RNLS: variants seen among roughly 807,000 people sequenced by gnomAD.
The protein encoded by RNLS is renalase, FAD dependent amine oxidase.
RNLS carries 39 observed loss-of-function variants against 39.8 expected under a neutral mutation model. The observed-to-expected ratio is 0.98, with a 90% CI of 0.76 to 1.28. The LOEUF is 1.28. Ranked by LOEUF, RNLS falls within the 50% of genes most tolerant of loss-of-function variation. RNLS has a pLI of 0.00. For missense variants in RNLS, 410 were observed against 413.3 expected (o/e 0.99, Z 0.07); for synonymous variants, 147 against 150.7 (o/e 0.98, Z 0.18).
At chr10:88,314,666 A>G in intron 5 of RNLS, 25 bp from the exon 6 acceptor site, 1 of 1,602,282 alleles carries the variant, frequency 6.2e-7, no homozygotes, top group Non-Finnish European at 8.5e-7. Flanking sequence ...GATCATAAAG[A>G]TGCATCTTAA....
rs954471747 is a variant in RNLS at position 88,449,004 on chromosome 10, T to C, written c.527-86279A>G. ...TCACACACCGGGGCCTGTTGTGCAG[T>C]GCGGGGAGGGAGAAGGGATAGGATT... is the stretch of plus-strand genomic sequence containing the variant. On this transcript the variant is annotated intron_variant, in intron 4 of 6. Transcript: ENST00000331772. Among the ~76,000 whole-genome samples, 6 of 152,136 alleles carry C rather than the reference T, an allele frequency of 3.9e-5. 1 individual carries two copies. Among genetic ancestry groups the C allele is most frequent in the African/African-American group, 7.2e-5 (3 of 41,504 alleles).
intron 4 of RNLS, among the ~76,000 whole-genome samples, chr10:88,408,610 C>T (rs792209): frequency 0.58 from 88,743 of 151,834 alleles, 25,988 homozygotes; most frequent in African/African-American, 0.63. Context: ...TCTAAGGTAT[C>T]TTGTTACAGA....
At position 88,448,134 on chromosome 10, in the gene RNLS, C is replaced by T. The variant is rs375266110; in HGVS notation, c.527-85409G>A. On this transcript the variant is annotated intron_variant, in intron 4 of 6. Transcript: ENST00000331772. ...ATGTTTAAAACACCAAAAGCAATGG[C>T]AACAAAAGCCAAAATTGACAAATGG... 5.9e-5 allele frequency among the ~76,000 whole-genome samples: 9 copies of T among 152,244 alleles called. No individual in the cohort carries two copies. In the East Asian group the frequency reaches 9.6e-4, roughly 16 times the overall value.
chr10:88,210,072 G>A, the RNLS span, among the ~76,000 whole-genome samples: 1 of 152,204 alleles, frequency 6.6e-6, no homozygotes, highest in Non-Finnish European at 1.5e-5. Context: ...GCCCTGAGGC[G>A]ACGGATTTGC....
intron 4 of RNLS, among the ~76,000 whole-genome samples, chr10:88,421,549 G>A (rs983377805): frequency 6.6e-6 from 1 of 152,030 alleles, no homozygotes; most frequent in Non-Finnish European, 1.5e-5. Context: ...TACAAGTCTG[G>A]ACTTGTGAAG....
chr10:88,340,106 C>T (rs1335434390), intron 5 of RNLS, among the ~76,000 whole-genome samples: 1 of 152,214 alleles, frequency 6.6e-6, no homozygotes, highest in Non-Finnish European at 1.5e-5. Context: ...TGCAATAATT[C>T]AGACCTTTAC....
At chr10:88,235,281 A>G in the RNLS span, among the ~76,000 whole-genome samples, 9 of 151,060 alleles carry the variant, frequency 6.0e-5, no homozygotes, top group African/African-American at 2.2e-4. Context: ...AAAAAAAAAA[A>G]AAAAAAAAAA....
chr10:88,183,572 G>A, the RNLS span, among the ~76,000 whole-genome samples: 2 of 151,976 alleles, frequency 1.3e-5, no homozygotes, highest in African/African-American at 4.8e-5. Context: ...ATGTTTTACA[G>A]AAAAAAATCC....
At chr10:88,433,275 A>T (rs1275456521) in intron 4 of RNLS, among the ~76,000 whole-genome samples, 2 of 152,028 alleles carry the variant, frequency 1.3e-5, no homozygotes, top group Non-Finnish European at 2.9e-5. Flanking sequence ...CTGAAAGATG[A>T]AAAATTCCAG....
At chr10:88,273,623 A>ATATGTTTAT (rs1842710923), downstream of RNLS, among the ~76,000 whole-genome samples, 1 of 152,206 alleles carries the variant, frequency 6.6e-6, no homozygotes, top group South Asian at 2.1e-4. Context: ...CACTATCATA[A>ATATGTTTAT]CTAATGCTTA....
intron 2 of RNLS, 78 bp downstream of exon 2, chr10:88,582,124 A>G (rs1349731380): frequency 3.6e-6 from 4 of 1,121,876 alleles, no homozygotes; most frequent in Non-Finnish European, 5.2e-6. Context: ...TCCATTTATC[A>G]GCTAATCTAA....
chr10:88,240,406 C>CTTTTTTT, the RNLS span, among the ~76,000 whole-genome samples: 3 of 108,666 alleles, frequency 2.8e-5, no homozygotes, highest in East Asian at 4.5e-4. Context: ...GCAAAAAGTC[C>CTTTTTTT]TTTTTTTAAA....
At chr10:88,367,487 T>C (rs1478687947) in intron 4 of RNLS, among the ~76,000 whole-genome samples, 1 of 152,178 alleles carries the variant, frequency 6.6e-6, no homozygotes, top group Non-Finnish European at 1.5e-5. Context: ...AACATAGGGA[T>C]TGTTTGTAGA....
chr10:88,439,397 A>C (rs1233551410), intron 4 of RNLS, among the ~76,000 whole-genome samples: 2 of 152,224 alleles, frequency 1.3e-5, no homozygotes, highest in East Asian at 3.8e-4. Context: ...TGTTTTCCTC[A>C]GAGCAATTTT....
chr10:88,341,329 CAAA>C (rs755002114), intron 5 of RNLS, among the ~76,000 whole-genome samples: 2 of 50,698 alleles, frequency 3.9e-5, no homozygotes, highest in African/African-American at 7.7e-5. Flanking sequence ...AACTCCATCT[CAAA>C]AAAAAAAAAA....
At chr10:88,206,179 A>G in the RNLS span, among the ~76,000 whole-genome samples, 107,330 of 152,118 alleles carry the variant, frequency 0.71, 38,449 homozygotes, top group Non-Finnish European at 0.78. Flanking sequence ...GTGGACTGCA[A>G]CATTCTGAAG....
At chr10:88,491,800 C>T (rs1228387305) in intron 4 of RNLS, among the ~76,000 whole-genome samples, 3 of 152,156 alleles carry the variant, frequency 2.0e-5, no homozygotes, top group African/African-American at 7.2e-5. Flanking sequence ...CTATAATTAT[C>T]ACTGATAAAA....
At chr10:88,457,924 C>T (rs755805567) in intron 4 of RNLS, among the ~76,000 whole-genome samples, 2 of 152,172 alleles carry the variant, frequency 1.3e-5, no homozygotes, top group Non-Finnish European at 2.9e-5. Flanking sequence ...GCGTGTCCTA[C>T]CTTGGAAACA....
chr10:88,406,630 A>G (rs1471800912), intron 4 of RNLS, among the ~76,000 whole-genome samples: 4 of 152,080 alleles, frequency 2.6e-5, no homozygotes, highest in Non-Finnish European at 4.4e-5. Context: ...TACAGCTGCT[A>G]TGGAAAACAG....
Sources: gnomAD v4.1 joint callset for allele counts (sites outside exome capture counted in the v4.1 genomes callset) on GRCh38, gnomAD v4.1.1 for gene constraint, MANE v1.5 for transcripts, NCBI Gene and HGNC (gene_info 2026-07-23, HGNC 2026-07-21) for gene names.